The following CAPS2 variants were observed in gnomAD, a reference collection of about 807,000 sequenced individuals.
CAPS2 encodes calcyphosin-2.
A neutral mutation model predicts 86.5 loss-of-function variants in CAPS2; 98 were observed. The observed-to-expected ratio is 1.13, with a 90% CI of 0.96 to 1.34. The LOEUF is 1.34. CAPS2 is among the 40% of genes most tolerant of loss of function. CAPS2 has a pLI of 0.00. For missense variants in CAPS2, 729 were observed against 686.8 expected (o/e 1.06, Z -0.69); for synonymous variants, 210 against 225.1 (o/e 0.93, Z 0.60).
At chr12:75,329,033 A>C (rs187624816), upstream of CAPS2, among the ~76,000 whole-genome samples, 2 of 152,334 alleles carry the variant, frequency 1.3e-5, no homozygotes, top group African/African-American at 4.8e-5. Flanking sequence ...CTGATCTTCA[A>C]ACCGAGCCAG....
intron 1 of CAPS2, among the ~76,000 whole-genome samples, chr12:75,386,220 C>T (rs982699309): frequency 5.9e-5 from 9 of 152,104 alleles, no homozygotes; most frequent in African/African-American, 2.2e-4. Flanking sequence ...ATGAGAAGAA[C>T]AAGGTTGCAG....
Position 75,323,313 on chromosome 12 carries a change from A to G in CAPS2, c.132-91T>C, listed in dbSNP as rs1215951331. On this transcript the variant is annotated intron_variant, in intron 2 of 16. Coordinates refer to ENST00000393284, the Ensembl canonical transcript of CAPS2. ...TATGTTACATGTTTTATAAATAGGTACACTGAAACCAATAGTGCCATGGCT... is the reference window on the plus strand; with the variant it reads ...TATGTTACATGTTTTATAAATAGGTGCACTGAAACCAATAGTGCCATGGCT... 3 of 1,033,280 alleles carry G rather than the reference A, an allele frequency of 2.9e-6. No individual in the cohort carries two copies. In the East Asian group the frequency reaches 7.9e-5, roughly 27 times the overall value. 64.0% of individuals were successfully genotyped at this position (1,033,280 alleles called of 1,614,324 possible). A position where few individuals can be genotyped will look rare whatever the true frequency, so the allele number is the denominator to read the frequency against.
chr12:75,289,673 T>G, exon 14 of CAPS2: 1 of 1,613,404 alleles, frequency 6.2e-7, no homozygotes, highest in Admixed American at 1.7e-5. Context: ...AAAATCTGCC[T>G]TATCTAAAAG....
chr12:75,381,861 C>T lies in CAPS2; in HGVS notation c.-395+8977G>A, dbSNP rs532968207. On this transcript the variant is annotated intron_variant, in intron 1 of 5. Transcript: ENST00000551829. ...ATCTCCTGACCTCGTGATCTGCCCACCTCGGCTGCCCAAAGTGCTGGGATT... is the reference window on the plus strand; with the variant it reads ...ATCTCCTGACCTCGTGATCTGCCCATCTCGGCTGCCCAAAGTGCTGGGATT... Among the ~76,000 whole-genome samples the T allele has an allele frequency of 4.3e-4, 66 of 152,250 alleles. 1 individual carries two copies. The highest frequency in any genetic ancestry group is 3.5e-3 in the Admixed American group (53 of 15,298).
At chr12:75,378,680 G>A in intron 1 of CAPS2, among the ~76,000 whole-genome samples, 1 of 152,118 alleles carries the variant, frequency 6.6e-6, no homozygotes, top group Non-Finnish European at 1.5e-5. Flanking sequence ...GGTTGAATGA[G>A]GTCCACTCAC....
At chr12:75,319,346 T>C (rs2040084621) in intron 5 of CAPS2, among the ~76,000 whole-genome samples, 1 of 151,804 alleles carries the variant, frequency 6.6e-6, no homozygotes, top group South Asian at 2.1e-4. Context: ...GGCGAGTGAG[T>C]TTTCATTCTA....
intron 14 of CAPS2, among the ~76,000 whole-genome samples, chr12:75,289,107 C>T (rs2035402574): frequency 6.6e-6 from 1 of 152,090 alleles, no homozygotes; most frequent in Non-Finnish European, 1.5e-5. Context: ...GCCACACTCC[C>T]TTCCCCTCCA....
intron 13 of CAPS2, 50 bp downstream of exon 13, chr12:75,291,694 A>G: frequency 1.1e-6 from 1 of 936,778 alleles, no homozygotes; most frequent in Non-Finnish European, 1.5e-6. Flanking sequence ...ACTGATTATA[A>G]AAAAGGACTG....
chr12:75,335,794 A>G (rs991531009), intron 1 of CAPS2, among the ~76,000 whole-genome samples: 3 of 152,076 alleles, frequency 2.0e-5, no homozygotes, highest in African/African-American at 4.8e-5. Context: ...ATATTTTAAT[A>G]TATAATGTTT....
At chr12:75,359,753 A>T (rs1377563412) in intron 1 of CAPS2, 1 of 152,170 alleles carries the variant, frequency 6.6e-6, no homozygotes, top group African/African-American at 2.4e-5. Flanking sequence ...AAAAATTAAT[A>T]AATCATACTG....
At position 75,388,422 on chromosome 12, in the gene CAPS2, T is replaced by C. The variant is rs570365849; in HGVS notation, c.-395+2416A>G. On this transcript the variant is annotated intron_variant, in intron 1 of 5. Transcript: ENST00000551829. ...CAGTAGCTACTGGAATAAAGAAATG[T>C]TGGTACATCCAGAAAATGAAAAATT... Among the ~76,000 whole-genome samples, 9 of 152,276 alleles carry C rather than the reference T, an allele frequency of 5.9e-5. No individual in the cohort carries two copies. In the South Asian group the frequency reaches 8.3e-4, roughly 14 times the overall value.
chr12:75,305,527 G>T (rs1593397703), intron 7 of CAPS2: 3 of 617,020 alleles, frequency 4.9e-6, no homozygotes, highest in South Asian at 1.4e-5. Context: ...CAACCCTAGG[G>T]TTCCGGTAGG....
chr12:75,321,055 C>A (rs967730934), intron 5 of CAPS2, among the ~76,000 whole-genome samples: 1 of 151,966 alleles, frequency 6.6e-6, no homozygotes, highest in African/African-American at 2.4e-5. Flanking sequence ...TTTAGACTGT[C>A]AGACCAACTG....
chr12:75,368,410 T>C (rs1421601831), intron 1 of CAPS2, among the ~76,000 whole-genome samples: 1 of 151,890 alleles, frequency 6.6e-6, no homozygotes, highest in Non-Finnish European at 1.5e-5. Context: ...TTTCTTTTAG[T>C]GTCTTAATGT....
At chr12:75,389,417 G>T (rs1335953617) in intron 1 of CAPS2, among the ~76,000 whole-genome samples, 2 of 152,192 alleles carry the variant, frequency 1.3e-5, no homozygotes, top group Admixed American at 6.5e-5. Context: ...TTTAAGAAAA[G>T]GATGTGATGA....
intron 1 of CAPS2, among the ~76,000 whole-genome samples, chr12:75,337,862 A>G (rs956881028): frequency 1.3e-5 from 2 of 152,050 alleles, no homozygotes; most frequent in Non-Finnish European, 2.9e-5. Flanking sequence ...TACAAATGAA[A>G]GAATCCGGGG....
At chr12:75,317,646 G>A (rs1361773736) in intron 5 of CAPS2, among the ~76,000 whole-genome samples, 1 of 151,940 alleles carries the variant, frequency 6.6e-6, no homozygotes, top group Admixed American at 6.6e-5. Context: ...TAGGCCAAAA[G>A]CCTTAGATCC....
chr12:75,381,701 G>A (rs1266630159), intron 1 of CAPS2, among the ~76,000 whole-genome samples: 9 of 138,562 alleles, frequency 6.5e-5, no homozygotes, highest in South Asian at 2.5e-4. Flanking sequence ...TGCAACCTCC[G>A]CCTCCCAGGT....
chr12:75,390,264 T>C (rs2045512908), intron 1 of CAPS2: 1 of 455,814 alleles, frequency 2.2e-6, no homozygotes, highest in South Asian at 1.5e-5. Context: ...CAAAATCAGC[T>C]AGATATTAGC....
Sources: gnomAD v4.1 joint callset for allele counts (sites outside exome capture counted in the v4.1 genomes callset) on GRCh38, gnomAD v4.1.1 for gene constraint, MANE v1.5 for transcripts, NCBI Gene and HGNC (gene_info 2026-07-23, HGNC 2026-07-21) for gene names.